The following GRB2 variants were observed in gnomAD, a reference collection of about 807,000 sequenced individuals.
GRB2 encodes the protein growth factor receptor-bound protein 2.
A neutral mutation model predicts 27.4 loss-of-function variants in GRB2; 2 were observed. The ratio of observed to expected loss-of-function variants is 0.07; its 90% CI spans 0.03 to 0.23. The LOEUF (loss-of-function observed/expected upper bound fraction) is 0.23. Ranked by LOEUF, GRB2 falls within the 10% of genes least tolerant of loss-of-function variation. GRB2 has a pLI of 1.00. For missense variants in GRB2, 102 were observed against 282.4 expected, an observed-to-expected ratio of 0.36 and a Z score of 4.58; for synonymous variants, 94 against 99.6, an observed-to-expected ratio of 0.94 and a Z score of 0.33.
At chr17:75,405,467 G>C (rs56347701) in intron 1 of GRB2, 22 bp downstream of exon 1, 2,149 of 152,454 alleles carry the variant, frequency 0.014, 57 homozygotes, top group South Asian at 0.048. Context: ...GAGAGGCGCC[G>C]AGCGCAGCCT....
chr17:75,352,711 T>C (rs946359561), intron 2 of GRB2, among the ~76,000 whole-genome samples: 8 of 152,268 alleles, frequency 5.3e-5, no homozygotes, highest in African/African-American at 1.2e-4. Flanking sequence ...ATCCCCTCTA[T>C]GCAGTAAAAG....
At chr17:75,337,898 CTACTATTAT>C (rs1232807263) in intron 2 of GRB2, among the ~76,000 whole-genome samples, 2,724 of 133,264 alleles carry the variant, frequency 0.02, 72 homozygotes, top group African/African-American at 0.067. Flanking sequence ...ACTACTACTA[CTACTATTAT>C]TATTATTATT....
chr17:75,353,340 C>G (rs964102417), intron 2 of GRB2, among the ~76,000 whole-genome samples: 1 of 152,058 alleles, frequency 6.6e-6, no homozygotes, highest in East Asian at 1.9e-4. Context: ...TTTTGACACA[C>G]ATGTAGACTG....
chr17:75,386,410 G>A (rs1036732737), intron 2 of GRB2, among the ~76,000 whole-genome samples: 11 of 152,148 alleles, frequency 7.2e-5, no homozygotes, highest in African/African-American at 1.2e-4. Context: ...GAGCCACTGC[G>A]CTTGGCCTTA....
At chr17:75,372,083 G>A (rs533640965) in intron 2 of GRB2, 12 of 152,308 alleles carry the variant, frequency 7.9e-5, no homozygotes, top group African/African-American at 2.2e-4. Context: ...ATATGTCTCA[G>A]ATGCTGCTGT....
At chr17:75,404,668 CA>C (rs1438754931) in intron 1 of GRB2, among the ~76,000 whole-genome samples, 1 of 152,064 alleles carries the variant, frequency 6.6e-6, no homozygotes, top group Non-Finnish European at 1.5e-5. Flanking sequence ...GTAAGAAAGC[CA>C]AAATAGACTA....
intron 2 of GRB2, among the ~76,000 whole-genome samples, chr17:75,363,815 G>GC (rs1343173111): frequency 7.7e-6 from 1 of 129,710 alleles, no homozygotes; most frequent in Non-Finnish European, 1.5e-5. Flanking sequence ...AGCGGAGATC[G>GC]CCCCACTGCA....
At chr17:75,397,208 T>C (rs1009137240) in intron 1 of GRB2, among the ~76,000 whole-genome samples, 1 of 152,134 alleles carries the variant, frequency 6.6e-6, no homozygotes. Flanking sequence ...AAGAGCATAT[T>C]CGCTAAAGGA....
intron 2 of GRB2, among the ~76,000 whole-genome samples, chr17:75,333,942 T>C (rs2078558251): frequency 6.6e-6 from 1 of 152,158 alleles, no homozygotes; most frequent in African/African-American, 2.4e-5. Context: ...ATATTTCCAA[T>C]GACCGTTCTC....
intron 1 of GRB2, among the ~76,000 whole-genome samples, chr17:75,403,169 T>A (rs926385368): frequency 3.0e-4 from 42 of 139,492 alleles, no homozygotes; most frequent in African/African-American, 1.0e-3. Flanking sequence ...TATATATATA[T>A]AAATATATAT....
intron 2 of GRB2, among the ~76,000 whole-genome samples, chr17:75,378,250 C>T (rs564328520): frequency 1.3e-5 from 2 of 152,010 alleles, no homozygotes; most frequent in Admixed American, 6.6e-5. Flanking sequence ...ATGAGCTGAG[C>T]GTGGTGGTGG....
chr17:75,368,933 C>T (rs540829823), intron 2 of GRB2, among the ~76,000 whole-genome samples: 2 of 152,292 alleles, frequency 1.3e-5, no homozygotes, highest in East Asian at 3.9e-4. Context: ...GTTTTAAGTG[C>T]TTCCATATTT....
chr17:75,350,114 C>T (rs2078680599), intron 2 of GRB2, among the ~76,000 whole-genome samples: 1 of 151,738 alleles, frequency 6.6e-6, no homozygotes, highest in African/African-American at 2.4e-5. Flanking sequence ...CCTGCAGTCC[C>T]AGCTACCTGG....
intron 1 of GRB2, among the ~76,000 whole-genome samples, chr17:75,394,637 C>T (rs563075380): frequency 6.6e-6 from 1 of 152,226 alleles, no homozygotes; most frequent in Non-Finnish European, 1.5e-5. Flanking sequence ...AAGTCCTAAT[C>T]TACACTTGAA....
At chr17:75,383,272 G>C (rs934772848) in intron 2 of GRB2, among the ~76,000 whole-genome samples, 1 of 152,094 alleles carries the variant, frequency 6.6e-6, no homozygotes, top group Admixed American at 6.5e-5. Context: ...ACACAGCATA[G>C]GTATCCATCT....
rs956839234 is a variant in GRB2, at chr17:75,367,507, T to C, written c.78+26044A>G. Among the ~76,000 whole-genome samples, 3 of 152,226 alleles carry C rather than the reference T, an allele frequency of 2.0e-5. No individual in the cohort carries two copies. In the South Asian group the frequency reaches 6.2e-4, roughly 32 times the overall value. ...CCTCTTTTTAAGGGAGATCATGAGG[T>C]AGAAACTGCCTAGAGCAGTAAAGCC... is the stretch of plus-strand genomic sequence containing the variant. On this transcript the variant is annotated intron_variant, in intron 2 of 5. Coordinates refer to ENST00000316804, the MANE Select transcript of GRB2 (RefSeq NM_002086.5).
Position 75,393,712 on chromosome 17 carries a change from G to A in GRB2, c.-84C>T, listed in dbSNP as rs1166502788. 9.5e-7 allele frequency: 1 copy of A among 1,050,616 alleles called. No homozygotes were observed. The highest frequency in any genetic ancestry group is 2.4e-5 in the East Asian group (1 of 42,294). The allele number at this position is 1,050,616 out of a possible 1,614,324, so 65.1% of individuals were successfully genotyped here. On this transcript the variant is annotated 5_prime_UTR_variant, in exon 2 of 6. Transcript: ENST00000316804. Reference sequence around the variant, plus strand: ...GAAGCAACCCAGCGCTCTGGGCTTAGCCTCGCCTCTCTTCTGGGACTCGCT... The same window carrying A: ...GAAGCAACCCAGCGCTCTGGGCTTAACCTCGCCTCTCTTCTGGGACTCGCT...
Position 75,389,778 on chromosome 17 carries a change from G to A in GRB2, c.78+3773C>T, listed in dbSNP as rs557743373. Among the ~76,000 whole-genome samples, 72 of 152,274 alleles carry A rather than the reference G, an allele frequency of 4.7e-4. 1 individual carries two copies. The highest frequency in any genetic ancestry group is 1.7e-3 in the African/African-American group (70 of 41,540). On this transcript the variant is annotated intron_variant, in intron 2 of 5. Coordinates refer to ENST00000316804, the MANE Select transcript of GRB2 (RefSeq NM_002086.5). ...GAGAATGGCGTGAACCCGGGAGGCA[G>A]AGCTTGCAGTGAGCCGAGATCGCGC... is the stretch of plus-strand genomic sequence containing the variant.
At chr17:75,328,567 G>A (rs1462682416) in intron 3 of GRB2, among the ~76,000 whole-genome samples, 4 of 152,110 alleles carry the variant, frequency 2.6e-5, no homozygotes, top group Middle Eastern at 3.4e-3. Flanking sequence ...TTGAATCTCC[G>A]GGAGGCAGAG....
Sources: allele counts gnomAD v4.1 joint callset (sites outside exome capture counted in the v4.1 genomes callset), GRCh38; gene constraint gnomAD v4.1.1; transcripts MANE v1.5; gene names NCBI Gene and HGNC (gene_info 2026-07-23, HGNC 2026-07-21).